Variants in ARMC8 observed in about 807,000 individuals in gnomAD.
ARMC8 encodes the protein armadillo repeat containing 8, also known as armadillo repeat-containing protein 8.
ARMC8 carries 20 observed loss-of-function variants against 99.3 expected under a neutral mutation model. The ratio of observed to expected loss-of-function variants is 0.20; its 90% CI spans 0.14 to 0.29. The LOEUF is 0.29. ARMC8 is among the 10% of genes least tolerant of loss of function. The probability of loss-of-function intolerance (pLI) is 1.00; values close to 1 mark genes in which losing one functional copy is unlikely to be tolerated. For missense variants in ARMC8, 569 were observed against 809.5 expected, an observed-to-expected ratio of 0.70 and a Z score of 3.60; for synonymous variants, 263 against 278.3, an observed-to-expected ratio of 0.95 and a Z score of 0.55.
At chr3:138,222,459 A>T (rs1405625816) in intron 3 of ARMC8, among the ~76,000 whole-genome samples, 1 of 152,202 alleles carries the variant, frequency 6.6e-6, no homozygotes, top group African/African-American at 2.4e-5. Context: ...AAGTTAACGT[A>T]AGAAGTTTAG....
intron 6 of ARMC8, among the ~76,000 whole-genome samples, chr3:138,234,112 GT>G (rs1252506949): frequency 1.2e-4 from 18 of 144,642 alleles, no homozygotes; most frequent in African/African-American, 1.8e-4. Flanking sequence ...TTTTGTTTTT[GT>G]TTTTTTTTTT....
At chr3:138,281,441 C>T (rs908486140) in intron 18 of ARMC8, among the ~76,000 whole-genome samples, 9 of 151,710 alleles carry the variant, frequency 5.9e-5, no homozygotes, top group African/African-American at 2.4e-5. Context: ...TACAGGCATG[C>T]GCCACCACAC....
intron 12 of ARMC8, among the ~76,000 whole-genome samples, chr3:138,254,758 A>G (rs761532013): frequency 9.9e-5 from 15 of 152,210 alleles, no homozygotes; most frequent in Non-Finnish European, 1.9e-4. Flanking sequence ...ACTCAAGAGA[A>G]AACTCCCACT....
chr3:138,195,878 T>C (rs2043704370), intron 1 of ARMC8, among the ~76,000 whole-genome samples: 1 of 151,286 alleles, frequency 6.6e-6, no homozygotes, highest in African/African-American at 2.4e-5. Context: ...AAAAAAACTG[T>C]TTTGACCACA....
chr3:138,242,068 C>A, intron 11 of ARMC8, 85 bp downstream of exon 11: 1 of 1,076,548 alleles, frequency 9.3e-7, no homozygotes, highest in Non-Finnish European at 1.4e-6. Flanking sequence ...CAATTGATAA[C>A]TACAGCTTAA....
chr3:138,198,897 G>A (rs938727091), intron 1 of ARMC8, among the ~76,000 whole-genome samples: 1 of 152,024 alleles, frequency 6.6e-6, no homozygotes, highest in African/African-American at 2.4e-5. Flanking sequence ...GTGAAGTCTG[G>A]TTTTTGGTCT....
At chr3:138,261,383 G>C (rs1017522643) in intron 12 of ARMC8, 2 of 152,126 alleles carry the variant, frequency 1.3e-5, no homozygotes, top group African/African-American at 2.4e-5. Flanking sequence ...CAGAGAACAA[G>C]CAGGTTTAGC....
At chr3:138,274,381 T>C (rs903408428) in intron 17 of ARMC8, 68 bp from the exon 18 acceptor site, 39 of 1,045,486 alleles carry the variant, frequency 3.7e-5, no homozygotes, top group Non-Finnish European at 4.5e-5. Flanking sequence ...TTTTAACTTT[T>C]AGAAGCCTTG....
intron 1 of ARMC8, chr3:138,188,675 A>G: frequency 9.5e-7 from 1 of 1,057,592 alleles, no homozygotes; most frequent in Non-Finnish European, 1.4e-6. Context: ...GAGTCTTGTA[A>G]CTACAACCGG....
chr3:138,229,132 GTGTATATATATATATA>G (rs1326403650), intron 6 of ARMC8, 122 bp downstream of exon 6: 14 of 110,076 alleles, frequency 1.3e-4, no homozygotes, highest in African/African-American at 6.8e-4. Flanking sequence ...GTGTGTGTGC[GTGTATATATATATATA>G]TATATATATA....
chr3:138,230,380 G>A (rs1440923145), intron 6 of ARMC8, among the ~76,000 whole-genome samples: 3 of 152,196 alleles, frequency 2.0e-5, no homozygotes, highest in Non-Finnish European at 4.4e-5. Context: ...GCTGGGTGCA[G>A]TGGCTCACAC....
intron 5 of ARMC8, among the ~76,000 whole-genome samples, chr3:138,227,377 A>G (rs183218202): frequency 2.6e-5 from 4 of 152,302 alleles, no homozygotes; most frequent in East Asian, 3.9e-4. Flanking sequence ...TGCCTTTTCT[A>G]TCTTAGCTGC....
intron 5 of ARMC8, among the ~76,000 whole-genome samples, chr3:138,228,270 G>A (rs1435268033): frequency 1.3e-5 from 2 of 152,208 alleles, no homozygotes; most frequent in East Asian, 3.9e-4. Flanking sequence ...ATGAGCCACC[G>A]CTCCTGGCCT....
At chr3:138,246,551 A>T in intron 12 of ARMC8, 1 of 985,648 alleles carries the variant, frequency 1.0e-6, no homozygotes, top group Non-Finnish European at 1.2e-6. Flanking sequence ...TTGGTTTAGG[A>T]TGGTTATTAG....
chr3:138,241,884 G>T lies in ARMC8; in HGVS notation c.939G>T (p.Glu313Asp). 3 of 1,614,018 alleles carry T rather than the reference G, an allele frequency of 1.9e-6. No individual in the cohort carries two copies. Among genetic ancestry groups the T allele is most frequent in the Non-Finnish European group, 2.5e-6 (3 of 1,179,954 alleles). Residue 313 changes from glutamate to aspartate, a missense_variant, in exon 11 of 22, where the codon GAG becomes GAT. This residue lies in a region of ARMC8 where 342 missense variants were observed against 391.6 expected (regional missense o/e 0.87). Transcript: ENST00000469044. ...TLAYLIEPDV[E>D]LQRIASITDH... The stretch of plus-strand genomic sequence containing the variant: ...CCTATCTGATTGAACCAGATGTTGA[G>T]CTACAGAGAATCGCTAGCATAACTG...
chr3:138,228,440 T>C (rs2045808343), intron 5 of ARMC8, among the ~76,000 whole-genome samples: 1 of 152,252 alleles, frequency 6.6e-6, no homozygotes, highest in African/African-American at 2.4e-5. Flanking sequence ...TCTCGTCTTG[T>C]ACAGATTGAA....
At position 138,216,674 on chromosome 3, in the gene ARMC8, G is replaced by GT. The variant is rs963127134; in HGVS notation, c.123-5245dup. Among the ~76,000 whole-genome samples, 107 of 152,230 alleles carry GT rather than the reference G, an allele frequency of 7.0e-4. 1 individual carries two copies. The highest frequency in any genetic ancestry group is 2.7e-3 in the Admixed American group (42 of 15,296). Reference sequence around the variant, plus strand: ...TTATTCTAGTTACCCACAGATATGTGTTTTTTTCTTATTTTACAAATGAAT... The same window carrying GT: ...TTATTCTAGTTACCCACAGATATGTGTTTTTTTTCTTATTTTACAAATGAAT... On this transcript the variant is annotated intron_variant, in intron 2 of 21. Transcript: ENST00000469044.
intron 1 of ARMC8, among the ~76,000 whole-genome samples, chr3:138,201,536 A>G (rs2044079589): frequency 7.7e-6 from 1 of 129,432 alleles, no homozygotes; most frequent in Non-Finnish European, 1.6e-5. Context: ...CTCTTGGCTC[A>G]CAGCAACCTC....
At chr3:138,240,669 C>T (rs901528561) in intron 10 of ARMC8, among the ~76,000 whole-genome samples, 1 of 152,034 alleles carries the variant, frequency 6.6e-6, no homozygotes, top group African/African-American at 2.4e-5. Context: ...TAGTAGTGAA[C>T]GATGAAGTGC....
Sources: allele counts gnomAD v4.1 joint callset (sites outside exome capture counted in the v4.1 genomes callset), GRCh38; gene constraint gnomAD v4.1.1; regional missense constraint gnomAD v4.1.1; transcripts MANE v1.5; gene names NCBI Gene and HGNC (gene_info 2026-07-23, HGNC 2026-07-21).